The following FER1L6 variants were observed in gnomAD, a reference collection of about 807,000 sequenced individuals.
FER1L6 encodes fer-1-like protein 6.
A neutral mutation model predicts 219.2 loss-of-function variants in FER1L6; 177 were observed. That is an observed-to-expected ratio of 0.81 (90% confidence interval 0.71 to 0.91). The LOEUF is 0.91. Among genes scored for constraint, FER1L6 ranks in the 40% least tolerant of loss-of-function variants. The pLI, the probability that FER1L6 is intolerant of heterozygous loss-of-function variation, is 0.00. For synonymous variants in FER1L6, 768 were observed against 824.3 expected (o/e 0.93, Z 1.17); for missense variants, 2,153 against 2,259.9 (o/e 0.95, Z 0.96).
intron 12 of FER1L6, among the ~76,000 whole-genome samples, chr8:123,996,294 C>T (rs1478855287): frequency 6.6e-6 from 1 of 152,246 alleles, no homozygotes; most frequent in East Asian, 1.9e-4. Flanking sequence ...CTATCTTTCT[C>T]TTTAGCTCTA....
intron 1 of FER1L6, among the ~76,000 whole-genome samples, chr8:123,875,105 G>T (rs1816983752): frequency 6.6e-6 from 1 of 152,134 alleles, no homozygotes; most frequent in African/African-American, 2.4e-5. Context: ...TGAGGCAGGA[G>T]AATCGCTTGA....
chr8:124,047,403 G>A (rs1054629214), intron 21 of FER1L6, among the ~76,000 whole-genome samples: 2 of 152,246 alleles, frequency 1.3e-5, no homozygotes, highest in African/African-American at 4.8e-5. Flanking sequence ...TTTGCATAGT[G>A]ACTGGTATAC....
intron 34 of FER1L6, 58 bp from the exon 35 acceptor site, chr8:124,094,838 C>T (rs1388848902): frequency 1.3e-5 from 20 of 1,575,500 alleles, no homozygotes; most frequent in Non-Finnish European, 1.6e-5. Flanking sequence ...ATGTGGCAGC[C>T]CATCACTGTC....
chr8:123,877,988 A>G (rs1045955938), intron 1 of FER1L6, among the ~76,000 whole-genome samples: 4 of 152,182 alleles, frequency 2.6e-5, no homozygotes, highest in Non-Finnish European at 5.9e-5. Flanking sequence ...ATTGTGAACA[A>G]TCACATGCTC....
Position 123,929,409 on chromosome 8 carries a change from G to A in FER1L6, c.-7-26583G>A, listed in dbSNP as rs148317963. Among the ~76,000 whole-genome samples, 12 of 152,272 alleles carry A rather than the reference G, an allele frequency of 7.9e-5. No individual in the cohort carries two copies. In the East Asian group the frequency reaches 2.3e-3, roughly 29 times the overall value. On this transcript the variant is annotated intron_variant, in intron 1 of 40. Coordinates refer to ENST00000522917, the MANE Select transcript of FER1L6 (RefSeq NM_001039112.2). ...TCCACAGAGACATAGACAGTAAGTA[G>A]TGGAATTGAGAATTAACTTCAGCTC... is the stretch of plus-strand genomic sequence containing the variant.
rs190875598 is a variant in FER1L6 at position 124,005,023 on chromosome 8, G to A, written c.1700+1676G>A. Among the ~76,000 whole-genome samples, 7 of 151,618 alleles carry A rather than the reference G, an allele frequency of 4.6e-5. No individual in the cohort carries two copies. The East Asian group carries it at 1.4e-3, about 29-fold the overall frequency. On this transcript the variant is annotated intron_variant, in intron 13 of 40. Transcript: ENST00000522917. ...AAAAAAAAAAAAAAAATCGTCAACT[G>A]TTCTCTTTTCCTTCCTACCTGCATC...
chr8:124,114,468 C>T (rs1213198506), intron 39 of FER1L6, among the ~76,000 whole-genome samples: 1 of 152,082 alleles, frequency 6.6e-6, no homozygotes, highest in Non-Finnish European at 1.5e-5. Flanking sequence ...GGTTTCTATA[C>T]ATCAGCTCCT....
intron 39 of FER1L6, among the ~76,000 whole-genome samples, chr8:124,108,859 CAT>C (rs1822890239): frequency 6.6e-6 from 1 of 151,810 alleles, no homozygotes; most frequent in Non-Finnish European, 1.5e-5. Context: ...GCCTGGGCAA[CAT>C]AGGGAGTCCC....
intron 1 of FER1L6, among the ~76,000 whole-genome samples, chr8:123,954,481 T>C (rs550361765): frequency 2.9e-4 from 44 of 152,252 alleles, no homozygotes; most frequent in African/African-American, 1.0e-3. Flanking sequence ...AATAAGTGAA[T>C]AGAATAAGTG....
At chr8:124,055,863 C>G (rs1820270485) in intron 22 of FER1L6, among the ~76,000 whole-genome samples, 1 of 152,110 alleles carries the variant, frequency 6.6e-6, no homozygotes, top group Admixed American at 6.5e-5. Flanking sequence ...AATCTGTTTC[C>G]TTGTCTATTC....
chr8:124,027,639 A>G (rs1818768392), intron 18 of FER1L6, among the ~76,000 whole-genome samples: 1 of 152,218 alleles, frequency 6.6e-6, no homozygotes, highest in Non-Finnish European at 1.5e-5. Flanking sequence ...AGCTCACTGT[A>G]GCCTTGAACT....
intron 25 of FER1L6, among the ~76,000 whole-genome samples, chr8:124,062,777 T>G (rs886772673): frequency 6.6e-6 from 1 of 152,158 alleles, no homozygotes; most frequent in African/African-American, 2.4e-5. Flanking sequence ...CTCTGGAATG[T>G]ACACCCAGGG....
chr8:124,103,226 G>T lies in FER1L6; in HGVS notation c.5206G>T (p.Ala1736Ser), dbSNP rs1277477964. Residue 1736 changes from alanine to serine, a missense_variant, in exon 39 of 41, where the codon GCA (alanine) becomes TCA (serine). By Grantham distance (99) the Ala-to-Ser change is moderately conservative. Transcript: ENST00000522917. ...KACDLAKFEN[A>S]SEETKISIFQ... The stretch of plus-strand genomic sequence containing the variant: ...CTGTGATCTTGCCAAGTTTGAAAAT[G>T]CAAGTGAGGAGACCAAGATCTCTAT... 11 of 1,614,158 alleles carry T rather than the reference G, an allele frequency of 6.8e-6. No homozygotes were observed. Among genetic ancestry groups the T allele is most frequent in the Middle Eastern group, 1.7e-4 (1 of 6,050 alleles).
At chr8:124,022,821 AG>A (rs1563749601) in intron 17 of FER1L6, among the ~76,000 whole-genome samples, 1 of 112,302 alleles carries the variant, frequency 8.9e-6, no homozygotes, top group East Asian at 2.4e-4. Flanking sequence ...CCTGCAGATG[AG>A]AAAAGTAGGC....
chr8:123,969,936 C>T (rs1189476614), intron 5 of FER1L6, 99 bp from the exon 6 acceptor site: 1 of 836,558 alleles, frequency 1.2e-6, no homozygotes, highest in South Asian at 1.4e-5. Context: ...ATTCATGCAG[C>T]AGTTGGTTTG....
intron 1 of FER1L6, among the ~76,000 whole-genome samples, chr8:123,930,037 A>T (rs1426302603): frequency 1.3e-5 from 2 of 151,892 alleles, no homozygotes; most frequent in Admixed American, 1.3e-4. Flanking sequence ...GATAACATGC[A>T]GTTGTAAAAA....
intron 1 of FER1L6, among the ~76,000 whole-genome samples, chr8:123,868,571 T>A (rs1382427403): frequency 6.6e-6 from 1 of 152,188 alleles, no homozygotes; most frequent in Non-Finnish European, 1.5e-5. Flanking sequence ...GAAAAATGAT[T>A]TTCTGCTGCC....
intron 11 of FER1L6, among the ~76,000 whole-genome samples, chr8:123,981,720 T>C (rs1227360977): frequency 1.3e-5 from 2 of 152,024 alleles, no homozygotes; most frequent in Non-Finnish European, 2.9e-5. Context: ...GGTTGGAGCA[T>C]AGGGCTGGAA....
chr8:124,011,788 A>G (rs1817944603), intron 14 of FER1L6, among the ~76,000 whole-genome samples: 1 of 151,772 alleles, frequency 6.6e-6, no homozygotes, highest in African/African-American at 2.4e-5. Flanking sequence ...CCTGGCCAAC[A>G]CCCTGTTATT....
Sources: gnomAD v4.1 joint callset for allele counts (sites outside exome capture counted in the v4.1 genomes callset) on GRCh38, gnomAD v4.1.1 for gene constraint, MANE v1.5 for transcripts, NCBI Gene and HGNC (gene_info 2026-07-23, HGNC 2026-07-21) for gene names.